The following WDPCP variants were observed in gnomAD, a reference collection of about 807,000 sequenced individuals.
The protein encoded by WDPCP is WD repeat-containing and planar cell polarity effector protein fritz homolog.
WDPCP carries 71 observed loss-of-function variants against 93.1 expected under a neutral mutation model. The ratio of observed to expected loss-of-function variants is 0.76; its 90% CI spans 0.63 to 0.93. The LOEUF is 0.93. Among genes scored for constraint, WDPCP ranks in the 40% least tolerant of loss-of-function variants. The pLI is 0.00. For synonymous variants in WDPCP, 315 were observed against 315.0 expected (o/e 1.00, Z 0.00); for missense variants, 844 against 887.4 (o/e 0.95, Z 0.62).
intron 2 of WDPCP, among the ~76,000 whole-genome samples, chr2:63,704,616 G>A (rs564948907): frequency 6.6e-6 from 1 of 152,290 alleles, no homozygotes; most frequent in Non-Finnish European, 1.5e-5. Context: ...ATTTGCATAG[G>A]TTGAACCACC....
intron 2 of WDPCP, among the ~76,000 whole-genome samples, chr2:63,775,532 C>A (rs752893724): frequency 6.6e-6 from 1 of 152,168 alleles, no homozygotes; most frequent in Non-Finnish European, 1.5e-5. Flanking sequence ...AGGTTGAAGG[C>A]AAATTTGTGT....
intron 14 of WDPCP, among the ~76,000 whole-genome samples, chr2:63,214,150 C>A (rs948006070): frequency 6.6e-6 from 1 of 152,134 alleles, no homozygotes; most frequent in Non-Finnish European, 1.5e-5. Context: ...GATACCAAAG[C>A]CTGGCAGAGA....
chr2:63,761,736 G>C (rs950980770), intron 2 of WDPCP, among the ~76,000 whole-genome samples: 1 of 152,114 alleles, frequency 6.6e-6, no homozygotes, highest in African/African-American at 2.4e-5. Context: ...CCCAGCTAAA[G>C]GGTGGGTCTG....
chr2:63,328,381 G>A (rs1047193659), intron 12 of WDPCP, among the ~76,000 whole-genome samples: 7 of 152,080 alleles, frequency 4.6e-5, no homozygotes, highest in African/African-American at 1.7e-4. Context: ...TTGGGTCCGC[G>A]CTGCCTTTAT....
chr2:63,407,204 T>G (rs1045985043), intron 9 of WDPCP, among the ~76,000 whole-genome samples: 3 of 151,890 alleles, frequency 2.0e-5, no homozygotes, highest in African/African-American at 7.3e-5. Flanking sequence ...GCATGAGCCA[T>G]GCAGCCATGT....
At chr2:63,249,577 T>C (rs1166910199) in intron 14 of WDPCP, among the ~76,000 whole-genome samples, 6 of 152,208 alleles carry the variant, frequency 3.9e-5, no homozygotes, top group Non-Finnish European at 8.8e-5. Flanking sequence ...CAAGAAAGTC[T>C]GAGACATTAC....
At chr2:63,374,174 A>G (rs1691645522) in intron 12 of WDPCP, among the ~76,000 whole-genome samples, 1 of 151,858 alleles carries the variant, frequency 6.6e-6, no homozygotes, top group African/African-American at 2.4e-5. Context: ...TGTCTGATAC[A>G]ACCTCCCATT....
chr2:63,355,776 T>C (rs188776127), intron 12 of WDPCP, among the ~76,000 whole-genome samples: 28 of 152,170 alleles, frequency 1.8e-4, no homozygotes, highest in Non-Finnish European at 2.2e-4. Context: ...TAATCCCAGC[T>C]ACTTGGGAGG....
chr2:63,662,672 T>C (rs1450315341), intron 2 of WDPCP, among the ~76,000 whole-genome samples: 3 of 150,056 alleles, frequency 2.0e-5, no homozygotes, highest in Non-Finnish European at 4.5e-5. Flanking sequence ...AGAGAGCTTA[T>C]CTTTGCTCTG....
At chr2:63,424,412 C>T (rs1157929437) in intron 9 of WDPCP, among the ~76,000 whole-genome samples, 1 of 152,168 alleles carries the variant, frequency 6.6e-6, no homozygotes, top group Non-Finnish European at 1.5e-5. Flanking sequence ...AAGACTGAGG[C>T]ATGACTGTTC....
intron 3 of WDPCP, chr2:63,622,894 G>A (rs1709762534): frequency 1.4e-5 from 19 of 1,405,162 alleles, no homozygotes; most frequent in Non-Finnish European, 1.7e-5. Context: ...TGGGAGGCAC[G>A]CGGGGGCCGG....
chr2:63,131,433 TAAC>T (rs890037327), intron 17 of WDPCP, among the ~76,000 whole-genome samples: 17 of 152,224 alleles, frequency 1.1e-4, no homozygotes, highest in African/African-American at 4.1e-4. Flanking sequence ...GTTACACTGA[TAAC>T]AACTAATCTT....
chr2:63,480,156 A>G (rs1017340689), intron 6 of WDPCP, among the ~76,000 whole-genome samples: 8 of 152,238 alleles, frequency 5.3e-5, no homozygotes, highest in Middle Eastern at 6.8e-3. Flanking sequence ...AAGAAAAAAA[A>G]TATTTAGATA....
chr2:63,643,520 T>C (rs1710009680), intron 3 of WDPCP: 9 of 412,136 alleles, frequency 2.2e-5, no homozygotes, highest in Non-Finnish European at 1.9e-5. Context: ...GTTACCAATG[T>C]TGAACTTGAT....
chr2:63,348,698 T>C (rs1439479665), intron 12 of WDPCP, among the ~76,000 whole-genome samples: 1 of 152,064 alleles, frequency 6.6e-6, no homozygotes, highest in Non-Finnish European at 1.5e-5. Flanking sequence ...TGAAGAATAA[T>C]TCCATGACAG....
intron 1 of WDPCP, among the ~76,000 whole-genome samples, chr2:63,549,658 C>T (rs1432629103): frequency 2.0e-5 from 3 of 151,910 alleles, no homozygotes; most frequent in African/African-American, 7.3e-5. Context: ...CCCAGCTACT[C>T]GGGAGGCTGA....
intron 13 of WDPCP, among the ~76,000 whole-genome samples, chr2:63,308,162 C>T (rs1419637644): frequency 6.6e-6 from 1 of 152,210 alleles, no homozygotes; most frequent in Non-Finnish European, 1.5e-5. Context: ...CATCACTGGT[C>T]ATTAGAGAAA....
At chr2:63,367,329 T>TAGTA (rs1248749223) in intron 12 of WDPCP, among the ~76,000 whole-genome samples, 1 of 152,056 alleles carries the variant, frequency 6.6e-6, no homozygotes, top group African/African-American at 2.4e-5. Context: ...ACTGTGGGTG[T>TAGTA]AGTAAGTAAA....
At chr2:63,593,751 TTTG>T (rs1709247819), upstream of WDPCP, 6 of 460,082 alleles carry the variant, frequency 1.3e-5, no homozygotes, top group Admixed American at 1.5e-4. Flanking sequence ...ACATTATTGT[TTTG>T]TTCTTTTTAA....
Sources: gnomAD v4.1 joint callset for allele counts (sites outside exome capture counted in the v4.1 genomes callset) on GRCh38, gnomAD v4.1.1 for gene constraint, MANE v1.5 for transcripts, NCBI Gene and HGNC (gene_info 2026-07-23, HGNC 2026-07-21) for gene names.